MYH15: variants seen among roughly 807,000 people sequenced by gnomAD.
The protein encoded by MYH15 is myosin-15.
MYH15 carries 227 observed loss-of-function variants against 240.5 expected under a neutral mutation model. The ratio of observed to expected loss-of-function variants is 0.94; its 90% CI spans 0.85 to 1.05. MYH15 has a LOEUF of 1.05. MYH15 is among the 50% of genes least tolerant of loss of function. MYH15 has a pLI of 0.00. For missense variants in MYH15, 2,217 were observed against 2,247.5 expected, an observed-to-expected ratio of 0.99 and a Z score of 0.27; for synonymous variants, 785 against 796.7, an observed-to-expected ratio of 0.99 and a Z score of 0.25.
chr3:108,434,075 TAA>T (rs2082804472), intron 25 of MYH15, among the ~76,000 whole-genome samples: 2 of 151,584 alleles, frequency 1.3e-5, no homozygotes, highest in Non-Finnish European at 2.9e-5. Flanking sequence ...ATTATTACAT[TAA>T]GATATTGATA....
intron 20 of MYH15, 28 bp downstream of exon 20, chr3:108,455,708 A>G (rs547182083): frequency 1.2e-6 from 2 of 1,611,514 alleles, no homozygotes; most frequent in African/African-American, 1.3e-5. Flanking sequence ...TTCGTCTCCA[A>G]ATGCATTCTT....
intron 9 of MYH15, among the ~76,000 whole-genome samples, chr3:108,487,992 A>G (rs2107597204): frequency 6.6e-6 from 1 of 152,302 alleles, no homozygotes; most frequent in East Asian, 1.9e-4. Context: ...ATGGTGTACA[A>G]CATGATGTTT....
intron 36 of MYH15, 86 bp from the exon 37 acceptor site, chr3:108,392,016 ACTGG>A (rs1385467099): frequency 7.7e-6 from 11 of 1,423,554 alleles, no homozygotes; most frequent in Non-Finnish European, 1.1e-5. Context: ...TCCTGGTCTG[ACTGG>A]CTGCCACGCC....
In MYH15 at chr3:108,398,787, C is replaced by A; in HGVS notation, c.4983G>T (p.Glu1661Asp). The A allele has an allele frequency of 6.2e-7, 1 of 1,614,204 alleles. No individual in the cohort carries two copies. Among genetic ancestry groups the A allele is most frequent in the Non-Finnish European group, 8.5e-7 (1 of 1,180,040 alleles). The change falls in exon 35 of 41, where the codon GAG (glutamate) becomes GAT (aspartate). Residue 1661 changes from glutamate (E) to aspartate (D), a missense_variant. Transcript: ENST00000693548. The part of the protein sequence containing the change: ...DSTQLNSDLK[E>D]QVAVAERRNS... Reference sequence around the variant, plus strand: ...TGCGCCGCTCAGCCACAGCCACCTGCTCCTTCAGATCACTGTTCAGTTGTG... The same window carrying A: ...TGCGCCGCTCAGCCACAGCCACCTGATCCTTCAGATCACTGTTCAGTTGTG...
At position 108,470,104 on chromosome 3, in the gene MYH15, T is replaced by C. The variant is rs1156434689; in HGVS notation, c.1492A>G (p.Ile498Val). ...LEQEEYKKESIEWVSIGFGLD... is the reference protein window; with the variant it reads ...LEQEEYKKESVEWVSIGFGLD... ...CCAAAGCCAATAGACACCCATTCAA[T>C]GCTTTCTTTCTTATATTCCTCTTGC... The change falls in exon 14 of 41, where the codon ATT becomes GTT. Residue 498 changes from isoleucine (I) to valine (V), a missense_variant. Ile to Val is a conservative substitution (Grantham distance 29). Coordinates refer to ENST00000693548, the MANE Select transcript of MYH15 (RefSeq NM_014981.3). 3 of 1,612,246 alleles carry C rather than the reference T, an allele frequency of 1.9e-6. No homozygotes were observed. The highest frequency in any genetic ancestry group is 2.5e-6 in the Non-Finnish European group (3 of 1,179,400).
chr3:108,490,202 T>A (rs1267205100), intron 9 of MYH15, among the ~76,000 whole-genome samples: 1 of 152,236 alleles, frequency 6.6e-6, no homozygotes, highest in Non-Finnish European at 1.5e-5. Flanking sequence ...GAATACGTGC[T>A]GCTTACATGA....
chr3:108,437,982 C>T (rs1201043335), intron 24 of MYH15, among the ~76,000 whole-genome samples: 2 of 152,176 alleles, frequency 1.3e-5, no homozygotes, highest in Non-Finnish European at 2.9e-5. Flanking sequence ...CTTGATTGAT[C>T]GTTTTCCAAT....
At position 108,462,424 on chromosome 3, in the gene MYH15, C is replaced by T. The variant is rs144324214; in HGVS notation, c.1864+687G>A. Among the ~76,000 whole-genome samples, 1,005 of 152,020 alleles carry T rather than the reference C, an allele frequency of 6.6e-3. 9 individuals are homozygous for T. Among genetic ancestry groups the T allele is most frequent in the African/African-American group, 0.019 (803 of 41,474 alleles). ...TAGTAGATTTGTAAAATCAGGGATG[C>T]TACTTAACTTCTCTATATTTGTTCC... is the stretch of plus-strand genomic sequence containing the variant. On this transcript the variant is annotated intron_variant, in intron 16 of 40. Coordinates refer to ENST00000693548, the MANE Select transcript of MYH15 (RefSeq NM_014981.3).
chr3:108,508,673 T>C (rs1374318636), intron 1 of MYH15, among the ~76,000 whole-genome samples: 2 of 152,238 alleles, frequency 1.3e-5, no homozygotes, highest in African/African-American at 2.4e-5. Flanking sequence ...CTGTTATGTA[T>C]TGAAGCATTT....
chr3:108,455,621 T>C (rs2083012119), intron 20 of MYH15, 115 bp downstream of exon 20: 3 of 1,190,430 alleles, frequency 2.5e-6, no homozygotes, highest in East Asian at 2.4e-5. Context: ...GTTTGTGATA[T>C]TTATGGTCAT....
intron 2 of MYH15, 119 bp downstream of exon 2, chr3:108,505,604 G>A (rs1436681897): frequency 8.3e-6 from 4 of 480,142 alleles, no homozygotes; most frequent in East Asian, 3.7e-5. Context: ...GAATGACTCC[G>A]AAGTGAGTCA....
At chr3:108,388,588 A>G (rs1391681283) in intron 38 of MYH15, among the ~76,000 whole-genome samples, 1 of 152,074 alleles carries the variant, frequency 6.6e-6, no homozygotes, top group East Asian at 1.9e-4. Context: ...ATCCCATGTA[A>G]CCTGCCAGCT....
At chr3:108,499,668 A>G (rs933356208) in intron 4 of MYH15, among the ~76,000 whole-genome samples, 186 bp from the exon 5 acceptor site, 6 of 152,172 alleles carry the variant, frequency 3.9e-5, no homozygotes, top group African/African-American at 1.4e-4. Context: ...TCTTGCCCCT[A>G]TGTATGCCAA....
At chr3:108,445,440 C>A (rs1193328481) in intron 21 of MYH15, among the ~76,000 whole-genome samples, 1 of 151,582 alleles carries the variant, frequency 6.6e-6, no homozygotes, top group South Asian at 2.1e-4. Context: ...TTTTAATGAT[C>A]CAGTACCACT....
chr3:108,536,857 G>C, the MYH15 span, among the ~76,000 whole-genome samples: 3 of 152,206 alleles, frequency 2.0e-5, no homozygotes, highest in African/African-American at 4.8e-5. Flanking sequence ...AAACTTGGGA[G>C]ACTCTCCTAT....
intron 18 of MYH15, among the ~76,000 whole-genome samples, chr3:108,458,722 G>C (rs565877959): frequency 6.6e-6 from 1 of 151,590 alleles, no homozygotes; most frequent in East Asian, 1.9e-4. Flanking sequence ...GTTAATTTTG[G>C]TAAAACCCTT....
chr3:108,427,635 C>CACACACACACACACACACACACAGAG lies in MYH15; in HGVS notation c.3702+856_3702+857insCTCTGTGTGTGTGTGTGTGTGTGTGT, dbSNP rs570359637. Among the ~76,000 whole-genome samples, 15 of 146,736 alleles carry CACACACACACACACACACACACAGAG rather than the reference C, an allele frequency of 1.0e-4. No homozygotes were observed. The South Asian group carries it at 3.3e-3, about 32-fold the overall frequency. On this transcript the variant is annotated intron_variant, in intron 27 of 40. Transcript: ENST00000693548. Reference sequence around the variant, plus strand: ...CACACACAACACACACACACACACACAGAGAGAGAGAGAGAGAGAGAAAGA... The same window carrying CACACACACACACACACACACACAGAG: ...CACACACAACACACACACACACACACACACACACACACACACACACACAGAGAGAGAGAGAGAGAGAGAGAGAAAGA...
chr3:108,444,927 T>C lies in MYH15; in HGVS notation c.2400-32A>G, dbSNP rs757378177. 5 of 1,573,108 alleles carry C rather than the reference T, an allele frequency of 3.2e-6. No individual in the cohort carries two copies. The East Asian group carries it at 9.0e-5, about 28-fold the overall frequency. ...CAAGAAAGAAAAAAGAAAAGCAAGT[T>C]AGCCCTGACTATAGGAGAATTAGTT... is the stretch of plus-strand genomic sequence containing the variant. On this transcript the variant is annotated intron_variant, in intron 21 of 40. Coordinates refer to ENST00000693548, the MANE Select transcript of MYH15 (RefSeq NM_014981.3).
At chr3:108,440,937 A>C in intron 23 of MYH15, 81 bp downstream of exon 23, 1 of 1,539,452 alleles carries the variant, frequency 6.5e-7, no homozygotes, top group Non-Finnish European at 8.9e-7. Context: ...ACTTGAATAG[A>C]GCAAGTCAGA....
Sources: allele counts gnomAD v4.1 joint callset (sites outside exome capture counted in the v4.1 genomes callset), GRCh38; gene constraint gnomAD v4.1.1; transcripts MANE v1.5; gene names NCBI Gene and HGNC (gene_info 2026-07-23, HGNC 2026-07-21).